LAMB4: variants seen among roughly 807,000 people sequenced by gnomAD.
LAMB4 encodes the protein laminin subunit beta 4.
In LAMB4, 196 loss-of-function variants were observed where a neutral mutation model predicts 199.2. That is an observed-to-expected ratio of 0.98 (90% CI 0.88 to 1.11). The LOEUF (loss-of-function observed/expected upper bound fraction) is 1.11. Among genes scored for constraint, LAMB4 ranks in the 50% least tolerant of loss-of-function variants. The probability of loss-of-function intolerance (pLI) is 0.00; values close to 1 mark genes in which losing one functional copy is unlikely to be tolerated. For missense variants in LAMB4, 2,080 were observed against 2,171.2 expected (o/e 0.96, Z 0.83); for synonymous variants, 744 against 770.6 (o/e 0.97, Z 0.57).
In LAMB4 at chr7:108,043,741, T is replaced by A. The variant is rs1373322118; in HGVS notation, c.4471+11A>T. The A allele has an allele frequency of 1.3e-6, 2 of 1,526,704 alleles. No individual in the cohort carries two copies. Among genetic ancestry groups the A allele is most frequent in the East Asian group, 2.3e-5 (1 of 43,740 alleles). The allele number at this position is 1,526,704 out of a possible 1,614,324, so 94.6% of individuals were successfully genotyped here. On this transcript the variant is annotated intron_variant, in intron 29 of 33. Transcript: ENST00000388781. ...AACAAAAACTAGTCCTAATATATAT[T>A]TTTAAATTACCTAACAAAAAGTTTT...
chr7:108,081,629 G>A (rs955482283), intron 14 of LAMB4, among the ~76,000 whole-genome samples: 3 of 152,182 alleles, frequency 2.0e-5, no homozygotes, highest in African/African-American at 7.2e-5. Flanking sequence ...AATTCTGGAG[G>A]TAGATAATTT....
At position 108,069,758 on chromosome 7, in the gene LAMB4, C is replaced by G. The variant is rs2036467515; in HGVS notation, c.2252G>C (p.Cys751Ser). The change falls in exon 18 of 34, where the codon TGT becomes TCT. Residue 751 changes from cysteine (C) to serine (S), a missense_variant. By Grantham distance (112) the Cys-to-Ser change is moderately radical. Transcript: ENST00000388781. ...AMGPQVLPGA[C>S]ERLIISMSAK... ...AGACATGCTGATGATCAGCCTTTCA[C>G]AGGCACCCGGGAGCACTTGAGGTCC... The G allele has an allele frequency of 6.2e-7, 1 of 1,613,866 alleles. No homozygotes were observed. The highest frequency in any genetic ancestry group is 1.1e-5 in the South Asian group (1 of 91,066).
intron 32 of LAMB4, among the ~76,000 whole-genome samples, chr7:108,030,001 C>T (rs1479072627): frequency 1.3e-5 from 2 of 151,854 alleles, no homozygotes; most frequent in African/African-American, 4.8e-5. Context: ...GGCTGTAATC[C>T]CAGCTACTCA....
chr7:108,114,002 A>G (rs573038774), intron 3 of LAMB4, among the ~76,000 whole-genome samples: 9 of 152,344 alleles, frequency 5.9e-5, no homozygotes, highest in African/African-American at 2.2e-4. Flanking sequence ...AGAAGCCTCC[A>G]CAGTTGGAGT....
At position 108,043,770 on chromosome 7, in the gene LAMB4, C is replaced by CT. The variant is rs2035519266; in HGVS notation, c.4452dup (p.Val1485SerfsTer24). 1.3e-6 allele frequency: 2 copies of CT among 1,581,800 alleles called. No homozygotes were observed. The highest frequency in any genetic ancestry group is 1.2e-5 in the South Asian group (1 of 86,066). On this transcript the variant is annotated frameshift_variant, in exon 29 of 34. Transcript: ENST00000388781. LOFTEE classifies it high-confidence loss of function. ...AAATTACCTAACAAAAAGTTTTTCACTTTTTTGATGAAAAGATTGATGTTT... is the reference window on the plus strand; with the variant it reads ...AAATTACCTAACAAAAAGTTTTTCACTTTTTTTGATGAAAAGATTGATGTTT...
downstream of LAMB4, among the ~76,000 whole-genome samples, chr7:108,021,860 A>C (rs2034701182): frequency 6.6e-6 from 1 of 152,202 alleles, no homozygotes; most frequent in Non-Finnish European, 1.5e-5. Flanking sequence ...GATTCCAAAG[A>C]TAAGTAGAGG....
At position 108,103,059 on chromosome 7, in the gene LAMB4, G is replaced by A; in HGVS notation, c.1165C>T (p.Pro389Ser). 6.2e-7 allele frequency: 1 copy of A among 1,600,936 alleles called. No homozygotes were observed. The highest frequency in any genetic ancestry group is 1.1e-5 in the South Asian group (1 of 90,174). The change falls in exon 10 of 34, where the codon CCC (proline) becomes TCC (serine). Residue 389 changes from proline to serine, a missense_variant. By Grantham distance (74) the Pro-to-Ser change is moderately conservative. Coordinates refer to ENST00000388781, the MANE Select transcript of LAMB4 (RefSeq NM_007356.3). ...GGGGACTCACGAATGCACGCGTAGG[G>A]ATCTGAGATGGTCTTGAGCGGGTCC... ...YRDPLKTISD[P>S]YACIPCECDP...
Position 108,055,971 on chromosome 7 carries a change from A to C in LAMB4, c.3416T>G (p.Ile1139Ser), listed in dbSNP as rs751128612. 5 of 1,614,020 alleles carry C rather than the reference A, an allele frequency of 3.1e-6. No homozygotes were observed. The Admixed American group carries it at 8.3e-5, about 27-fold the overall frequency. The change falls in exon 25 of 34, where the codon ATC (isoleucine) becomes AGC (serine). Residue 1139 changes from isoleucine to serine, a missense_variant. Physicochemically the swap from Ile to Ser is moderately radical, Grantham distance 142. Coordinates refer to ENST00000388781, the MANE Select transcript of LAMB4 (RefSeq NM_007356.3). ...GCACATGCCTGTGTCTGGATCACAG[A>C]TGGGCTTCTGGGTACCTGCCCTGTT... ...DCNRAGTQKP[I>S]CDPDTGMCRC...
At chr7:108,062,673 T>C (rs899576897) in intron 23 of LAMB4, 101 bp downstream of exon 23, 4 of 640,652 alleles carry the variant, frequency 6.2e-6, no homozygotes, top group Non-Finnish European at 9.3e-6. Context: ...AATGCACTAA[T>C]TAACAACAGT....
intron 2 of LAMB4, among the ~76,000 whole-genome samples, chr7:108,118,967 C>G (rs996150793): frequency 6.6e-6 from 1 of 152,078 alleles, no homozygotes; most frequent in African/African-American, 2.4e-5. Context: ...ATCAAATGAG[C>G]AAATGGCAAG....
At chr7:108,107,020 C>T (rs425623) in intron 6 of LAMB4, among the ~76,000 whole-genome samples, 56,238 of 151,924 alleles carry the variant, frequency 0.37, 10,984 homozygotes, top group Non-Finnish European at 0.42. Flanking sequence ...CAGTCATTTC[C>T]GGCTCTTTAT....
intron 2 of LAMB4, among the ~76,000 whole-genome samples, chr7:108,116,996 C>T (rs2038431467): frequency 6.6e-6 from 1 of 152,156 alleles, no homozygotes; most frequent in Non-Finnish European, 1.5e-5. Context: ...ATAATGGTGC[C>T]ATTGCAATCC....
chr7:108,046,003 T>C (rs1044749000), intron 28 of LAMB4, among the ~76,000 whole-genome samples: 4 of 152,074 alleles, frequency 2.6e-5, no homozygotes, highest in Non-Finnish European at 4.4e-5. Context: ...CCTCTATCCT[T>C]TACTGGATTT....
chr7:108,117,779 A>C (rs1023836913), intron 2 of LAMB4, among the ~76,000 whole-genome samples: 5 of 152,222 alleles, frequency 3.3e-5, no homozygotes, highest in Non-Finnish European at 5.9e-5. Flanking sequence ...TGGATTACCC[A>C]TGTCTTCCCC....
Position 108,023,975 on chromosome 7 carries a change from G to GC in LAMB4, c.*63dup. ...GTCAGTATTTCACAGGTTCAACAGA[G>GC]CCCCAGGGGCTTGTACATCAGAAAC... On this transcript the variant is annotated 3_prime_UTR_variant, in exon 34 of 34. Transcript: ENST00000388781. 7.1e-7 allele frequency: 1 copy of GC among 1,418,436 alleles called. No homozygotes were observed. 87.9% of individuals were successfully genotyped at this position (1,418,436 alleles called of 1,614,324 possible).
intron 17 of LAMB4, among the ~76,000 whole-genome samples, chr7:108,075,003 C>G (rs1038372489): frequency 1.3e-5 from 2 of 152,152 alleles, no homozygotes; most frequent in Non-Finnish European, 2.9e-5. Context: ...ATTATAGTAA[C>G]AGTAATATCC....
chr7:108,106,022 G>T lies in LAMB4; in HGVS notation c.665C>A (p.Thr222Lys). ...AAAGTTTATCCTCAGGTTTGTCAATGTCACAAGGTCTAAAGAAAGGAAAAT... is the reference window on the plus strand; with the variant it reads ...AAAGTTTATCCTCAGGTTTGTCAATTTCACAAGGTCTAAAGAAAGGAAAAT... ...PYSPYIQDLV[T>K]LTNLRINFTK... The change falls in exon 8 of 34, where the codon ACA becomes AAA. Residue 222 changes from threonine to lysine, a missense_variant. Physicochemically the swap from Thr to Lys is moderately conservative, Grantham distance 78. Transcript: ENST00000388781. 1 of 1,613,452 alleles carries T rather than the reference G, an allele frequency of 6.2e-7. No individual in the cohort carries two copies. Among genetic ancestry groups the T allele is most frequent in the Non-Finnish European group, 8.5e-7 (1 of 1,179,356 alleles).
At chr7:108,103,017 A>G (rs757755478) in intron 10 of LAMB4, 27 bp downstream of exon 10, 3 of 1,523,248 alleles carry the variant, frequency 2.0e-6, no homozygotes, top group African/African-American at 2.7e-5. Context: ...GACAGTGGGT[A>G]GGATCCAGGC....
intron 2 of LAMB4, 34 bp from the exon 3 acceptor site, chr7:108,116,195 C>T: frequency 1.3e-6 from 2 of 1,599,506 alleles, no homozygotes; most frequent in Admixed American, 1.7e-5. Context: ...ACACGGAAGG[C>T]AGTCTAAGGA....
Sources: allele counts gnomAD v4.1 joint callset (sites outside exome capture counted in the v4.1 genomes callset), GRCh38; gene constraint gnomAD v4.1.1; transcripts MANE v1.5; gene names NCBI Gene and HGNC (gene_info 2026-07-23, HGNC 2026-07-21).